LMX1B: variants seen among roughly 807,000 people sequenced by gnomAD.
The protein encoded by LMX1B is LIM homeobox transcription factor 1 beta.
In LMX1B, 12 loss-of-function variants were observed where a neutral mutation model predicts 51.4. The observed-to-expected ratio is 0.23, with a 90% CI of 0.15 to 0.38. The LOEUF is 0.38. LMX1B is among the 10% of genes least tolerant of loss of function. LMX1B has a pLI of 1.00. For missense variants in LMX1B, 445 were observed against 571.1 expected (o/e 0.78, Z 2.25); for synonymous variants, 237 against 235.4 (o/e 1.01, Z -0.06).
chr9:126,641,908 G>A lies in LMX1B; in HGVS notation c.326+26339G>A, dbSNP rs1240501360. On this transcript the variant is annotated intron_variant, in intron 2 of 7. Transcript: ENST00000373474. The surrounding 1 kb of genome is among the most constrained non-coding windows in gnomAD (Gnocchi z 4.1). ...AGAGCACTTCACCCACGTTCTCTCA[G>A]AACTCTGTGAGATAGGGACCAGCTT... 1.3e-5 allele frequency among the ~76,000 whole-genome samples: 2 copies of A among 152,194 alleles called. No homozygotes were observed. Among genetic ancestry groups the A allele is most frequent in the Non-Finnish European group, 2.9e-5 (2 of 68,034 alleles).
intron 2 of LMX1B, among the ~76,000 whole-genome samples, chr9:126,631,517 G>A (rs926160593): frequency 4.6e-5 from 7 of 152,198 alleles, no homozygotes; most frequent in South Asian, 4.2e-4. Context: ...TCGGCCGGCC[G>A]GGATGGGGCA....
intron 2 of LMX1B, among the ~76,000 whole-genome samples, chr9:126,686,105 C>A (rs971782408): frequency 2.6e-5 from 4 of 151,976 alleles, no homozygotes; most frequent in Non-Finnish European, 5.9e-5. Context: ...CGGTGAAACC[C>A]CGTCTCTACT....
chr9:126,642,227 G>A lies in LMX1B; in HGVS notation c.326+26658G>A, dbSNP rs1264439297. Among the ~76,000 whole-genome samples, 10 of 152,164 alleles carry A rather than the reference G, an allele frequency of 6.6e-5. No homozygotes were observed. In the East Asian group the frequency reaches 9.6e-4, roughly 15 times the overall value. On this transcript the variant is annotated intron_variant, in intron 2 of 7. Coordinates refer to ENST00000373474, the MANE Select transcript of LMX1B (RefSeq NM_001174147.2). Reference sequence around the variant, plus strand: ...GGGCCTGGGAAAGATTCCTGAGCACGCAGCTGGCTGAGCGGACCTGTGAGT... The same window carrying A: ...GGGCCTGGGAAAGATTCCTGAGCACACAGCTGGCTGAGCGGACCTGTGAGT...
At chr9:126,669,839 C>G (rs533987689) in intron 2 of LMX1B, among the ~76,000 whole-genome samples, 2 of 152,096 alleles carry the variant, frequency 1.3e-5, no homozygotes, top group African/African-American at 4.8e-5. Flanking sequence ...CTGGGCAGTC[C>G]GCTCCTCTGC....
At chr9:126,687,216 C>CT (rs1378263198) in intron 2 of LMX1B, among the ~76,000 whole-genome samples, 2 of 118,896 alleles carry the variant, frequency 1.7e-5, no homozygotes, top group Admixed American at 1.6e-4. Flanking sequence ...ATGATCATTC[C>CT]CTTTTTTTTT....
intron 2 of LMX1B, chr9:126,640,718 G>A (rs1034241419): frequency 5.3e-5 from 8 of 152,330 alleles, no homozygotes; most frequent in African/African-American, 1.9e-4. Flanking sequence ...AGGCTGTGCT[G>A]GTCCTTTTTT....
At chr9:126,678,046 C>A (rs755726231) in intron 2 of LMX1B, among the ~76,000 whole-genome samples, 5 of 152,180 alleles carry the variant, frequency 3.3e-5, no homozygotes, top group Non-Finnish European at 5.9e-5. Context: ...CATGGTGGCT[C>A]ACGCCTGTAA....
chr9:126,686,293 A>AAAG (rs1836768466), intron 2 of LMX1B, among the ~76,000 whole-genome samples: 2 of 151,830 alleles, frequency 1.3e-5, no homozygotes, highest in Non-Finnish European at 1.5e-5. Flanking sequence ...AAAAAAAAAA[A>AAAG]AAAGAAATTA....
Position 126,699,592 on chromosome 9 carries a change from A to C in LMX1B, c.*3141A>C, listed in dbSNP as rs1215976287. The C allele has an allele frequency of 6.6e-6, 1 of 152,518 alleles. No individual in the cohort carries two copies. The highest frequency in any genetic ancestry group is 6.5e-5 in the Admixed American group (1 of 15,270). The allele number at this position is 152,518 out of a possible 1,614,324, so 9.4% of individuals were successfully genotyped here. On this transcript the variant is annotated 3_prime_UTR_variant, in exon 8 of 8. Transcript: ENST00000373474. The stretch of plus-strand genomic sequence containing the variant: ...CACAGGCTCCCAGACACCAGTGCCC[A>C]CTCTGCCCAGCCCCGGACTGGGTGT...
intron 2 of LMX1B, among the ~76,000 whole-genome samples, chr9:126,651,467 G>A (rs987743815): frequency 1.6e-4 from 24 of 152,102 alleles, no homozygotes; most frequent in Admixed American, 5.9e-4. Context: ...AGGGGACAGC[G>A]GCCTCCTGTT....
At position 126,614,142 on chromosome 9, in the gene LMX1B, C is replaced by T. The variant is rs1369742292; in HGVS notation, c.-308C>T. ...CACCGCCGCCGCCGCCTCCTCCCCG[C>T]GGCTCCGTCTGCAGCAGCCGCCGCC... On this transcript the variant is annotated 5_prime_UTR_variant, in exon 1 of 8. Coordinates refer to ENST00000373474, the MANE Select transcript of LMX1B (RefSeq NM_001174147.2). 6.9e-6 allele frequency among the ~76,000 whole-genome samples: 1 copy of T among 144,506 alleles called. No individual in the cohort carries two copies. The highest frequency in any genetic ancestry group is 1.5e-5 in the Non-Finnish European group (1 of 65,196). The allele number at this position is 144,506 out of a possible 152,430, so 94.8% of individuals were successfully genotyped here.
At position 126,684,415 on chromosome 9, in the gene LMX1B, C is replaced by T. The variant is rs193151560; in HGVS notation, c.327-6421C>T. ...CTATTAAGATCCCTCCTGTGCCAGA[C>T]GCTGGGCCATGCCTTCCCACACTGG... On this transcript the variant is annotated intron_variant, in intron 2 of 7. Coordinates refer to ENST00000373474, the MANE Select transcript of LMX1B (RefSeq NM_001174147.2). 6.6e-5 allele frequency among the ~76,000 whole-genome samples: 10 copies of T among 152,304 alleles called. No homozygotes were observed. In the East Asian group the frequency reaches 7.7e-4, roughly 12 times the overall value.
chr9:126,646,412 C>T (rs1835903018), intron 2 of LMX1B, among the ~76,000 whole-genome samples: 1 of 152,078 alleles, frequency 6.6e-6, no homozygotes, highest in Non-Finnish European at 1.5e-5. Context: ...ACCCATCCAT[C>T]CATCCATCCA....
chr9:126,691,142 C>A, intron 3 of LMX1B, 74 bp downstream of exon 3: 1 of 1,147,614 alleles, frequency 8.7e-7, no homozygotes, highest in Non-Finnish European at 1.3e-6. Context: ...GGAGTCCCGG[C>A]TGGAGAAGCC....
intron 2 of LMX1B, among the ~76,000 whole-genome samples, chr9:126,623,405 T>C (rs1835453230): frequency 6.6e-6 from 1 of 152,236 alleles, no homozygotes; most frequent in South Asian, 2.1e-4. Flanking sequence ...GTAGTGCCTC[T>C]AGAAGGGCAA....
chr9:126,657,148 A>G (rs1212312052), intron 2 of LMX1B, among the ~76,000 whole-genome samples: 1 of 152,254 alleles, frequency 6.6e-6, no homozygotes, highest in Non-Finnish European at 1.5e-5. Context: ...AGATTTTGAA[A>G]AAGTAAAATA....
At chr9:126,627,085 T>C (rs531885484) in intron 2 of LMX1B, among the ~76,000 whole-genome samples, 63 of 152,022 alleles carry the variant, frequency 4.1e-4, no homozygotes, top group African/African-American at 1.5e-3. Flanking sequence ...TGTCAGAGGG[T>C]TCCTTGGCCA....
In LMX1B at chr9:126,618,030, A is replaced by G. The variant is rs575100163; in HGVS notation, c.326+2461A>G. On this transcript the variant is annotated intron_variant, in intron 2 of 7. Transcript: ENST00000373474. The surrounding 1 kb of genome is among the most constrained non-coding windows in gnomAD (Gnocchi z 4.5). ...ACTGGAAAGGGATGTTCTTTGCACA[A>G]TAAAAATTTTTTTATTCACATTTCT... 2.6e-5 allele frequency among the ~76,000 whole-genome samples: 4 copies of G among 152,278 alleles called. No individual in the cohort carries two copies. In the South Asian group the frequency reaches 8.3e-4, roughly 32 times the overall value.
intron 2 of LMX1B, among the ~76,000 whole-genome samples, chr9:126,678,335 A>AAAAAAAAAAAAAAAAC (rs1836610286): frequency 5.0e-5 from 7 of 141,316 alleles, no homozygotes; most frequent in African/African-American, 1.1e-4. Context: ...AAAACAAAAA[A>AAAAAAAAAAAAAAAAC]AAAAAACAAA....
Sources: gnomAD v4.1 joint callset for allele counts (sites outside exome capture counted in the v4.1 genomes callset) on GRCh38, gnomAD v4.1.1 for gene constraint, Gnocchi (gnomAD v3.1) non-coding constraint, MANE v1.5 for transcripts, NCBI Gene and HGNC (gene_info 2026-07-23, HGNC 2026-07-21) for gene names.